The following LRFN5 variants were observed in gnomAD, a reference collection of about 807,000 sequenced individuals.
LRFN5 encodes leucine-rich repeat and fibronectin type-III domain-containing protein 5.
A neutral mutation model predicts 45.6 loss-of-function variants in LRFN5; 24 were observed. The ratio of observed to expected loss-of-function variants is 0.53; its 90% confidence interval spans 0.38 to 0.74. The LOEUF (loss-of-function observed/expected upper bound fraction) is 0.74, where lower values mean the gene tolerates loss of function less well. LRFN5 is among the 30% of genes least tolerant of loss of function. The pLI, the probability that LRFN5 is intolerant of heterozygous loss-of-function variation, is 0.00. For synonymous variants in LRFN5, 340 were observed against 313.8 expected, an observed-to-expected ratio of 1.08 and a Z score of -0.88; for missense variants, 776 against 861.5, an observed-to-expected ratio of 0.90 and a Z score of 1.24.
intron 1 of LRFN5, among the ~76,000 whole-genome samples, chr14:41,681,457 T>A (rs577835216): frequency 3.7e-4 from 56 of 151,946 alleles, no homozygotes; most frequent in Admixed American, 3.5e-3. Flanking sequence ...CAGGGGAGAG[T>A]GGCATGACAT....
intron 2 of LRFN5, among the ~76,000 whole-genome samples, chr14:41,883,724 A>G (rs1353724557): frequency 1.3e-5 from 2 of 152,134 alleles, no homozygotes; most frequent in Non-Finnish European, 2.9e-5. Flanking sequence ...TCTTATTTCT[A>G]TGCCTACATT....
chr14:41,695,189 T>C (rs879193052), intron 1 of LRFN5, among the ~76,000 whole-genome samples: 3 of 151,926 alleles, frequency 2.0e-5, no homozygotes, highest in Admixed American at 1.3e-4. Context: ...CCCTAACTCA[T>C]GTCAATTCTA....
At position 41,893,887 on chromosome 14, in the gene LRFN5, G is replaced by A. The variant is rs994791242; in HGVS notation, c.2098+1925G>A. ...CCTTCACTGCCCAGTTATTTATTTC[G>A]TGTAAGGAATAGATGAGGTCACATG... On this transcript the variant is annotated intron_variant, in intron 4 of 5. Transcript: ENST00000298119. 1.1e-5 allele frequency: 11 copies of A among 984,938 alleles called. No homozygotes were observed. In the South Asian group the frequency reaches 2.3e-4, roughly 21 times the overall value. The allele number at this position is 984,938 out of a possible 1,614,324, so 61.0% of individuals were successfully genotyped here.
chr14:41,693,483 T>A (rs1406921176), intron 1 of LRFN5, among the ~76,000 whole-genome samples: 1 of 152,080 alleles, frequency 6.6e-6, no homozygotes, highest in Non-Finnish European at 1.5e-5. Flanking sequence ...GTTTTATTTT[T>A]TCTCAACAAT....
intron 2 of LRFN5, among the ~76,000 whole-genome samples, chr14:41,836,226 G>T (rs534587603): frequency 1.3e-5 from 2 of 152,186 alleles, no homozygotes; most frequent in East Asian, 1.9e-4. Context: ...ACTATTCTGA[G>T]AACATGAATA....
At chr14:41,748,880 A>C (rs1336322898) in intron 1 of LRFN5, among the ~76,000 whole-genome samples, 1 of 151,682 alleles carries the variant, frequency 6.6e-6, no homozygotes, top group Non-Finnish European at 1.5e-5. Context: ...GCTATAACAG[A>C]ATACCACAGA....
chr14:41,877,378 G>A (rs1371975204), intron 2 of LRFN5, among the ~76,000 whole-genome samples: 1 of 152,082 alleles, frequency 6.6e-6, no homozygotes, highest in African/African-American at 2.4e-5. Context: ...AAAGCAATGA[G>A]TATCTGGAAT....
intron 1 of LRFN5, among the ~76,000 whole-genome samples, chr14:41,650,148 A>C (rs1367441650): frequency 1.3e-5 from 2 of 151,548 alleles, no homozygotes; most frequent in East Asian, 3.9e-4. Context: ...TAATCCCAGC[A>C]CTTTGGGAGG....
intron 4 of LRFN5, among the ~76,000 whole-genome samples, chr14:41,895,706 C>CTT (rs1281419186): frequency 1.4e-5 from 2 of 144,944 alleles, no homozygotes; most frequent in Non-Finnish European, 1.5e-5. Context: ...TTTATTTCCC[C>CTT]TTTTTTTTTT....
At chr14:41,867,829 CTT>C (rs1470018881) in intron 2 of LRFN5, among the ~76,000 whole-genome samples, 8 of 152,014 alleles carry the variant, frequency 5.3e-5, no homozygotes, top group African/African-American at 1.9e-4. Context: ...TATCCTCCCT[CTT>C]TGTCTTATGC....
At chr14:41,856,645 AT>A (rs1889463289) in intron 2 of LRFN5, among the ~76,000 whole-genome samples, 1 of 130,796 alleles carries the variant, frequency 7.6e-6, no homozygotes, top group African/African-American at 2.8e-5. Context: ...GTCTTTTGTA[AT>A]TCTTTCTTTC....
At chr14:41,634,836 T>C (rs976921943) in intron 1 of LRFN5, among the ~76,000 whole-genome samples, 2 of 152,164 alleles carry the variant, frequency 1.3e-5, no homozygotes, top group African/African-American at 4.8e-5. Flanking sequence ...TTACATACAC[T>C]GGATCAACAT....
At chr14:41,835,682 C>T (rs1017787311) in intron 2 of LRFN5, among the ~76,000 whole-genome samples, 7 of 152,040 alleles carry the variant, frequency 4.6e-5, no homozygotes, top group South Asian at 2.1e-4. Flanking sequence ...ACCACGGTCA[C>T]GCTACTGCAC....
rs1277729978 is a variant in LRFN5, at chr14:41,904,155, C to A, written c.2143-3C>A. ...TTTCCTTTTTCTTTTTCTTTCATTT[C>A]AGAGGCTGGAGTTAATCTGAAGAGC... On this transcript the variant is annotated splice_polypyrimidine_tract_variant and splice_region_variant and intron_variant, in intron 5 of 5. Coordinates refer to ENST00000298119, the MANE Select transcript of LRFN5 (RefSeq NM_152447.5). The A allele has an allele frequency of 1.9e-6, 3 of 1,598,344 alleles. No homozygotes were observed. Among genetic ancestry groups the A allele is most frequent in the Non-Finnish European group, 2.6e-6 (3 of 1,173,578 alleles).
At chr14:41,625,484 C>G (rs1888296054) in intron 1 of LRFN5, among the ~76,000 whole-genome samples, 2 of 152,080 alleles carry the variant, frequency 1.3e-5, no homozygotes, top group South Asian at 2.1e-4. Flanking sequence ...AGTTAAACCT[C>G]CTTATAAATT....
At chr14:41,803,690 CATT>C (rs879796559) in intron 2 of LRFN5, among the ~76,000 whole-genome samples, 1 of 152,016 alleles carries the variant, frequency 6.6e-6, no homozygotes, top group Non-Finnish European at 1.5e-5. Context: ...ACATTTTTGT[CATT>C]ATATGCTTAT....
chr14:41,808,926 C>T (rs372601128), intron 2 of LRFN5, among the ~76,000 whole-genome samples: 129 of 152,014 alleles, frequency 8.5e-4, no homozygotes, highest in African/African-American at 3.0e-3. Context: ...GGTTTCTAGG[C>T]ACTTTACTTG....
chr14:41,892,017 T>G, intron 4 of LRFN5, 55 bp downstream of exon 4: 2 of 1,573,882 alleles, frequency 1.3e-6, no homozygotes, highest in South Asian at 2.4e-5. Context: ...AAGTACTCCC[T>G]CAATGGAGAA....
intron 1 of LRFN5, among the ~76,000 whole-genome samples, chr14:41,755,076 T>G (rs1885312620): frequency 6.6e-6 from 1 of 152,216 alleles, no homozygotes; most frequent in Non-Finnish European, 1.5e-5. Context: ...TGAGCAGTTT[T>G]GAGTGAGTTT....
Sources: gnomAD v4.1 joint callset for allele counts (sites outside exome capture counted in the v4.1 genomes callset) on GRCh38, gnomAD v4.1.1 for gene constraint, MANE v1.5 for transcripts, NCBI Gene and HGNC (gene_info 2026-07-23, HGNC 2026-07-21) for gene names.